DLGAP4: variants seen among roughly 807,000 people sequenced by gnomAD.
DLGAP4 encodes DLG associated protein 4.
A neutral mutation model predicts 86.9 loss-of-function variants in DLGAP4; 18 were observed. That is an observed-to-expected ratio of 0.21 (90% confidence interval 0.14 to 0.31). The LOEUF is 0.31. Among genes scored for constraint, DLGAP4 ranks in the 10% least tolerant of loss-of-function variants. The probability of loss-of-function intolerance (pLI) is 1.00; values close to 1 mark genes in which losing one functional copy is unlikely to be tolerated. For synonymous variants in DLGAP4, 548 were observed against 574.3 expected, an observed-to-expected ratio of 0.95 and a Z score of 0.65; for missense variants, 1,085 against 1,362.6, an observed-to-expected ratio of 0.80 and a Z score of 3.21.
chr20:36,516,668 G>GAAA (rs747235286), intron 10 of DLGAP4, among the ~76,000 whole-genome samples: 4 of 77,072 alleles, frequency 5.2e-5, no homozygotes, highest in Non-Finnish European at 5.2e-5. Context: ...TCCGTCTCAG[G>GAAA]AAAAAAAAAA....
At chr20:36,345,311 T>C (rs939876453) in intron 1 of DLGAP4, among the ~76,000 whole-genome samples, 3 of 152,158 alleles carry the variant, frequency 2.0e-5, no homozygotes, top group Non-Finnish European at 4.4e-5. Flanking sequence ...ATTTGAAGCA[T>C]GTGTTGTTTT....
chr20:36,487,092 C>T (rs929071805), intron 7 of DLGAP4, among the ~76,000 whole-genome samples: 1 of 152,070 alleles, frequency 6.6e-6, no homozygotes, highest in Non-Finnish European at 1.5e-5. Flanking sequence ...TGTGCTTTTG[C>T]GGTAGAGAGG....
intron 1 of DLGAP4, among the ~76,000 whole-genome samples, chr20:36,345,745 C>A (rs1348244620): frequency 6.6e-6 from 1 of 152,054 alleles, no homozygotes; most frequent in Non-Finnish European, 1.5e-5. Context: ...CAGGGGCTGC[C>A]TCCTCCTGAT....
chr20:36,399,621 G>A (rs768091695), intron 2 of DLGAP4, among the ~76,000 whole-genome samples: 60 of 152,208 alleles, frequency 3.9e-4, no homozygotes, highest in Non-Finnish European at 3.8e-4. Context: ...AAAGAACCTC[G>A]CAGACCCTTC....
chr20:36,497,971 G>T (rs1352867848), intron 8 of DLGAP4: 2 of 152,384 alleles, frequency 1.3e-5, no homozygotes, highest in African/African-American at 2.4e-5. Context: ...AGCTACAGTG[G>T]GTGAGGGCGA....
Position 36,527,559 on chromosome 20 carries a change from CTG to C in DLGAP4, c.*529_*530del, listed in dbSNP as rs1222464427. The C allele has an allele frequency of 6.5e-6, 1 of 153,064 alleles. No homozygotes were observed. The highest frequency in any genetic ancestry group is 2.4e-5 in the African/African-American group (1 of 41,456). The allele number at this position is 153,064 out of a possible 1,614,324, so 9.5% of individuals were successfully genotyped here. On this transcript the variant is annotated 3_prime_UTR_variant, in exon 13 of 13. Coordinates refer to ENST00000339266, the MANE Select transcript of DLGAP4 (RefSeq NM_001365621.2). ...GCGGCTTTCTGGGTCTCAGCCCTCTCTGCGGTTGAGGGCCCAGAGGACAGAGA... is the reference window on the plus strand; with the variant it reads ...GCGGCTTTCTGGGTCTCAGCCCTCTCCGGTTGAGGGCCCAGAGGACAGAGA...
chr20:36,441,501 A>C (rs1033838450), intron 5 of DLGAP4, among the ~76,000 whole-genome samples: 1 of 152,188 alleles, frequency 6.6e-6, no homozygotes, highest in African/African-American at 2.4e-5. Context: ...ACTGCCTGGA[A>C]CTAGAATCAT....
In DLGAP4 at chr20:36,420,740, G is replaced by A. The variant is rs751102703; in HGVS notation, c.-72-10906G>A. 7.9e-5 allele frequency among the ~76,000 whole-genome samples: 12 copies of A among 151,974 alleles called. 1 individual carries two copies. In the East Asian group the frequency reaches 1.2e-3, roughly 15 times the overall value. ...TGTAATCCTAGCACTTTGGGAGGCC[G>A]AGGCGGGCGGATCACCTGAGGTCGG... On this transcript the variant is annotated intron_variant, in intron 2 of 12. Transcript: ENST00000339266.
intron 2 of DLGAP4, among the ~76,000 whole-genome samples, chr20:36,428,519 C>T (rs1028274237): frequency 6.6e-6 from 1 of 152,180 alleles, no homozygotes; most frequent in Non-Finnish European, 1.5e-5. Flanking sequence ...CCATGCTGGG[C>T]CAGATGGACA....
chr20:36,503,372 T>C (rs1353996790), intron 10 of DLGAP4, among the ~76,000 whole-genome samples: 1 of 152,108 alleles, frequency 6.6e-6, no homozygotes, highest in Admixed American at 6.6e-5. Context: ...AGATGCTCTC[T>C]GCTCATTAGG....
chr20:36,440,159 T>A (rs941908362), intron 5 of DLGAP4, among the ~76,000 whole-genome samples: 3 of 152,136 alleles, frequency 2.0e-5, no homozygotes, highest in African/African-American at 7.2e-5. Context: ...ACCATGAGGA[T>A]AAGGAACTGG....
At chr20:36,461,749 C>A in intron 7 of DLGAP4, 1 of 525,298 alleles carries the variant, frequency 1.9e-6, no homozygotes, top group Non-Finnish European at 2.2e-6. Context: ...GTCCGTCCGT[C>A]CGCCCGCCCG....
At chr20:36,525,514 GGGCTTCTCTC>G in intron 11 of DLGAP4, 1 of 362,072 alleles carries the variant, frequency 2.8e-6, no homozygotes, top group Non-Finnish European at 5.2e-6. Flanking sequence ...GGAGTGAATC[GGGCTTCTCTC>G]GGTGTCACTG....
intron 1 of DLGAP4, among the ~76,000 whole-genome samples, chr20:36,330,631 G>A (rs566040250): frequency 6.6e-6 from 1 of 151,418 alleles, no homozygotes; most frequent in East Asian, 1.9e-4. Context: ...GGAGTGCAGT[G>A]GTGTGATCTC....
intron 1 of DLGAP4, among the ~76,000 whole-genome samples, chr20:36,363,745 T>C (rs1344697302): frequency 2.6e-5 from 4 of 152,156 alleles, no homozygotes; most frequent in African/African-American, 9.7e-5. Flanking sequence ...GGCTGGAAGG[T>C]AATAGAGCCA....
chr20:36,405,169 G>A (rs540090677), intron 2 of DLGAP4, among the ~76,000 whole-genome samples: 3 of 152,362 alleles, frequency 2.0e-5, no homozygotes, highest in African/African-American at 7.2e-5. Context: ...GCCGGGGGAG[G>A]CCCCTTAGTC....
intron 6 of DLGAP4, among the ~76,000 whole-genome samples, chr20:36,444,525 A>C (rs1847352168): frequency 6.6e-6 from 1 of 151,932 alleles, no homozygotes; most frequent in African/African-American, 2.4e-5. Context: ...ATCCTCCCAC[A>C]TCAGCCCCCT....
intron 7 of DLGAP4, among the ~76,000 whole-genome samples, chr20:36,457,555 AT>A (rs1285345357): frequency 6.6e-6 from 1 of 151,900 alleles, no homozygotes; most frequent in African/African-American, 2.4e-5. Context: ...TAATTTTTGT[AT>A]TTTTAGTAGA....
At chr20:36,423,608 T>C (rs1460330796) in intron 2 of DLGAP4, among the ~76,000 whole-genome samples, 1 of 149,798 alleles carries the variant, frequency 6.7e-6, no homozygotes, top group East Asian at 2.0e-4. Context: ...GGGAACAGAG[T>C]GTGACTGATA....
Sources: gnomAD v4.1 joint callset for allele counts (sites outside exome capture counted in the v4.1 genomes callset) on GRCh38, gnomAD v4.1.1 for gene constraint, MANE v1.5 for transcripts, NCBI Gene and HGNC (gene_info 2026-07-23, HGNC 2026-07-21) for gene names.